The following SLC10A7 variants were observed in gnomAD, a reference collection of about 807,000 sequenced individuals.
SLC10A7 encodes the protein solute carrier family 10 member 7, also known as sodium/bile acid cotransporter 7.
A neutral mutation model predicts 43.2 loss-of-function variants in SLC10A7; 29 were observed. The observed-to-expected ratio is 0.67, with a 90% confidence interval of 0.50 to 0.92. The LOEUF (loss-of-function observed/expected upper bound fraction) is 0.92. Ranked by LOEUF, SLC10A7 falls within the 40% of genes least tolerant of loss-of-function variation. SLC10A7 has a pLI of 0.00. For synonymous variants in SLC10A7, 152 were observed against 144.8 expected (o/e 1.05, Z -0.35); for missense variants, 295 against 403.2 (o/e 0.73, Z 2.30).
chr4:146,306,644 T>C (rs1458769390), intron 6 of SLC10A7, among the ~76,000 whole-genome samples: 2 of 152,152 alleles, frequency 1.3e-5, no homozygotes, highest in East Asian at 3.8e-4. Context: ...TCGTTAACAA[T>C]TACAATCTCA....
intron 5 of SLC10A7, among the ~76,000 whole-genome samples, chr4:146,371,462 C>T (rs564373359): frequency 3.3e-5 from 5 of 152,226 alleles, no homozygotes; most frequent in African/African-American, 9.6e-5. Context: ...GATGCTGGGC[C>T]TTGTGGAACA....
At chr4:146,433,607 T>C (rs550006936) in intron 5 of SLC10A7, among the ~76,000 whole-genome samples, 1 of 152,174 alleles carries the variant, frequency 6.6e-6, no homozygotes, top group Non-Finnish European at 1.5e-5. Flanking sequence ...GGTTCATGCC[T>C]ACAATCCCAG....
chr4:146,403,456 TAG>T (rs948318140), intron 5 of SLC10A7, among the ~76,000 whole-genome samples: 2 of 152,236 alleles, frequency 1.3e-5, no homozygotes, highest in Admixed American at 1.3e-4. Context: ...GGCCAATGAT[TAG>T]AGTTTTTCTA....
chr4:146,491,293 A>C (rs1735392375), intron 4 of SLC10A7, among the ~76,000 whole-genome samples: 1 of 152,200 alleles, frequency 6.6e-6, no homozygotes, highest in Admixed American at 6.5e-5. Context: ...CCAATAACAA[A>C]ACAACTGTCT....
chr4:146,468,751 C>T (rs550484923), intron 4 of SLC10A7, among the ~76,000 whole-genome samples: 222 of 152,196 alleles, frequency 1.5e-3, no homozygotes, highest in African/African-American at 5.2e-3. Context: ...CGTGAGCCAC[C>T]GCGCCTGGCC....
intron 11 of SLC10A7, chr4:146,256,980 CT>C: frequency 7.5e-7 from 1 of 1,336,592 alleles, no homozygotes; most frequent in African/African-American, 1.5e-5. Context: ...TTTAGTCTCC[CT>C]TTTGGAAATG....
At chr4:146,256,700 A>G (rs1342975763) in intron 11 of SLC10A7, 180 bp from the exon 12 acceptor site, 1 of 975,246 alleles carries the variant, frequency 1.0e-6, no homozygotes, top group Non-Finnish European at 1.5e-6. Flanking sequence ...CTCTCTGGCC[A>G]GCAGACTTTG....
chr4:146,409,620 A>G (rs1400517400), intron 5 of SLC10A7, among the ~76,000 whole-genome samples: 5 of 152,190 alleles, frequency 3.3e-5, no homozygotes, highest in African/African-American at 1.2e-4. Context: ...CTCTATGTAA[A>G]TTATACCTTA....
intron 5 of SLC10A7, among the ~76,000 whole-genome samples, chr4:146,398,091 G>A (rs1449839686): frequency 6.6e-6 from 1 of 152,136 alleles, no homozygotes; most frequent in East Asian, 1.9e-4. Context: ...TAACTCTTAG[G>A]AGCGTCTTGA....
intron 5 of SLC10A7, among the ~76,000 whole-genome samples, chr4:146,424,123 C>A (rs1729147139): frequency 1.3e-5 from 2 of 152,220 alleles, no homozygotes; most frequent in Admixed American, 6.5e-5. Flanking sequence ...AGAATCACGG[C>A]TCACTGCAGC....
intron 5 of SLC10A7, among the ~76,000 whole-genome samples, chr4:146,330,961 T>C (rs1733490822): frequency 6.6e-6 from 1 of 152,178 alleles, no homozygotes; most frequent in Admixed American, 6.5e-5. Flanking sequence ...CCCTCCTTCC[T>C]GGTGATGGCC....
intron 5 of SLC10A7, among the ~76,000 whole-genome samples, chr4:146,363,489 A>G (rs1736191901): frequency 6.6e-6 from 1 of 152,128 alleles, no homozygotes; most frequent in Admixed American, 6.5e-5. Flanking sequence ...ATCAATCTGC[A>G]CTATAGACCA....
chr4:146,340,000 G>A (rs1184774969), intron 5 of SLC10A7, among the ~76,000 whole-genome samples: 1 of 150,366 alleles, frequency 6.7e-6, no homozygotes, highest in African/African-American at 2.4e-5. Flanking sequence ...GACAGGTCCC[G>A]GTGTGTGATA....
At position 146,340,160 on chromosome 4, in the gene SLC10A7, T is replaced by C. The variant is rs543265479; in HGVS notation, c.436-14164A>G. Among the ~76,000 whole-genome samples the C allele has an allele frequency of 5.3e-5, 8 of 151,958 alleles. No individual in the cohort carries two copies. The East Asian group carries it at 1.5e-3, about 29-fold the overall frequency. ...GGAGAAGAAAAACATATATGTGTGATTGGGGTCTTAACAACCTAGAGATGC... is the reference window on the plus strand; with the variant it reads ...GGAGAAGAAAAACATATATGTGTGACTGGGGTCTTAACAACCTAGAGATGC... On this transcript the variant is annotated intron_variant, in intron 5 of 11. Coordinates refer to ENST00000335472, the MANE Select transcript of SLC10A7 (RefSeq NM_001029998.6).
intron 6 of SLC10A7, among the ~76,000 whole-genome samples, chr4:146,311,555 T>C (rs1049842365): frequency 1.3e-5 from 2 of 152,184 alleles, no homozygotes; most frequent in Non-Finnish European, 2.9e-5. Flanking sequence ...CCCTTGATGA[T>C]TGGTCTTCAC....
At chr4:146,465,113 A>T (rs1732896636) in intron 4 of SLC10A7, among the ~76,000 whole-genome samples, 4 of 152,136 alleles carry the variant, frequency 2.6e-5, no homozygotes, top group Admixed American at 2.6e-4. Flanking sequence ...ATAGAGTCCA[A>T]CAAAGTATCA....
At chr4:146,486,842 C>T (rs1418379031) in intron 4 of SLC10A7, among the ~76,000 whole-genome samples, 2 of 152,302 alleles carry the variant, frequency 1.3e-5, no homozygotes, top group South Asian at 2.1e-4. Flanking sequence ...TGATGCAGGA[C>T]ACACAGGCTT....
chr4:146,381,283 G>A (rs549944230), intron 5 of SLC10A7, among the ~76,000 whole-genome samples: 129 of 152,210 alleles, frequency 8.5e-4, no homozygotes, highest in Admixed American at 3.0e-3. Flanking sequence ...AAGTTGGGGC[G>A]GAAATATAGT....
chr4:146,329,852 T>G (rs946713636), intron 5 of SLC10A7, among the ~76,000 whole-genome samples: 2 of 152,262 alleles, frequency 1.3e-5, no homozygotes, highest in African/African-American at 4.8e-5. Flanking sequence ...TATTTTCTTT[T>G]GAGTATATGC....
Sources: allele counts gnomAD v4.1 joint callset (sites outside exome capture counted in the v4.1 genomes callset), GRCh38; gene constraint gnomAD v4.1.1; transcripts MANE v1.5; gene names NCBI Gene and HGNC (gene_info 2026-07-23, HGNC 2026-07-21).